The following PUS10 variants were observed in gnomAD, a reference collection of about 807,000 sequenced individuals.
PUS10 encodes the protein tRNA pseudouridine synthase Pus10.
In PUS10, 59 loss-of-function variants were observed where a neutral mutation model predicts 75.0. The observed-to-expected ratio is 0.79, with a 90% CI of 0.64 to 0.98. The LOEUF (loss-of-function observed/expected upper bound fraction) is 0.98, where lower values mean the gene tolerates loss of function less well. PUS10 is among the 50% of genes least tolerant of loss of function. PUS10 has a pLI of 0.00. For missense variants in PUS10, 650 were observed against 614.4 expected (o/e 1.06, Z -0.61); for synonymous variants, 219 against 211.6 (o/e 1.03, Z -0.30).
chr2:60,972,692 CA>C (rs1285529737), intron 4 of PUS10, among the ~76,000 whole-genome samples: 3 of 152,092 alleles, frequency 2.0e-5, no homozygotes, highest in African/African-American at 7.2e-5. Context: ...AAAAAAAGGC[CA>C]ACGATTATCA....
intron 3 of PUS10, among the ~76,000 whole-genome samples, chr2:61,007,581 C>T (rs1417691791): frequency 6.6e-6 from 1 of 151,538 alleles, no homozygotes; most frequent in Non-Finnish European, 1.5e-5. Flanking sequence ...CCAGACTGGC[C>T]AACATGGTGA....
chr2:60,949,136 ACT>A (rs1675177467), intron 15 of PUS10, among the ~76,000 whole-genome samples: 1 of 151,988 alleles, frequency 6.6e-6, no homozygotes, highest in African/African-American at 2.4e-5. Flanking sequence ...GCTCCTCCTA[ACT>A]CTGTGGTTTT....
At chr2:60,958,155 G>C (rs1675797856) in intron 11 of PUS10, among the ~76,000 whole-genome samples, 1 of 152,158 alleles carries the variant, frequency 6.6e-6, no homozygotes, top group South Asian at 2.1e-4. Flanking sequence ...GCTGGAACCT[G>C]ACACTTGGCG....
At chr2:60,974,671 C>T (rs995205012) in intron 4 of PUS10, among the ~76,000 whole-genome samples, 11 of 152,206 alleles carry the variant, frequency 7.2e-5, no homozygotes, top group Non-Finnish European at 1.5e-5. Context: ...ACCATATTCC[C>T]CGGGGTCAGC....
At chr2:60,972,217 A>T (rs1184211178) in intron 4 of PUS10, among the ~76,000 whole-genome samples, 1 of 141,926 alleles carries the variant, frequency 7.0e-6, no homozygotes, top group Admixed American at 6.9e-5. Context: ...TAATCCCAGC[A>T]CTTTGGGAGG....
chr2:61,010,947 T>C, intron 2 of PUS10: 1 of 1,522,044 alleles, frequency 6.6e-7, no homozygotes, highest in South Asian at 1.2e-5. Context: ...GAGAATTATA[T>C]AAGACCTTGA....
At chr2:61,012,415 C>A (rs545608266) in intron 1 of PUS10, among the ~76,000 whole-genome samples, 1 of 152,200 alleles carries the variant, frequency 6.6e-6, no homozygotes, top group East Asian at 1.9e-4. Flanking sequence ...TTCTGCCCTC[C>A]TGTCTGTCTC....
At chr2:60,942,987 C>T (rs1013454250) in intron 17 of PUS10, among the ~76,000 whole-genome samples, 9 of 149,180 alleles carry the variant, frequency 6.0e-5, no homozygotes, top group South Asian at 4.2e-4. Flanking sequence ...GCCGAAATCA[C>T]GCCACAGCAC....
intron 15 of PUS10, among the ~76,000 whole-genome samples, chr2:60,950,753 C>T (rs560151387): frequency 1.2e-3 from 189 of 152,108 alleles, no homozygotes; most frequent in African/African-American, 4.4e-3. Context: ...TATAATATCC[C>T]AGTTTACTCT....
chr2:60,998,501 C>T (rs946749099), intron 4 of PUS10, among the ~76,000 whole-genome samples: 1 of 152,012 alleles, frequency 6.6e-6, no homozygotes, highest in African/African-American at 2.4e-5. Flanking sequence ...CCAGCCTGGC[C>T]AACATGGCGA....
chr2:60,971,185 A>C (rs546705646), intron 5 of PUS10, among the ~76,000 whole-genome samples: 26 of 151,722 alleles, frequency 1.7e-4, no homozygotes, highest in African/African-American at 6.0e-4. Flanking sequence ...ACCTCAAAAA[A>C]AAAAAATAAT....
chr2:61,011,186 A>G (rs913830026), intron 2 of PUS10, among the ~76,000 whole-genome samples: 3 of 152,202 alleles, frequency 2.0e-5, no homozygotes, highest in Admixed American at 6.5e-5. Context: ...ACATTTCATA[A>G]AGATGTTACA....
At position 60,974,517 on chromosome 2, in the gene PUS10, C is replaced by T. The variant is rs1305099039; in HGVS notation, c.469-2960G>A. On this transcript the variant is annotated intron_variant, in intron 4 of 17. Coordinates refer to ENST00000316752, the MANE Select transcript of PUS10 (RefSeq NM_144709.4). ...AAACAGGGCTGAAACACGCCCCTTGCTCACCACGGGGGACGAGAAGGAGAG... is the reference window on the plus strand; with the variant it reads ...AAACAGGGCTGAAACACGCCCCTTGTTCACCACGGGGGACGAGAAGGAGAG... Among the ~76,000 whole-genome samples the T allele has an allele frequency of 2.0e-5, 3 of 152,166 alleles. No individual in the cohort carries two copies. In the East Asian group the frequency reaches 5.8e-4, roughly 29 times the overall value.
intron 5 of PUS10, among the ~76,000 whole-genome samples, chr2:60,967,960 T>A (rs1676442747): frequency 6.6e-6 from 1 of 152,204 alleles, no homozygotes; most frequent in Non-Finnish European, 1.5e-5. Context: ...ATTGGTTTAC[T>A]GCTCACAAAC....
chr2:61,013,316 G>A (rs974190364), intron 1 of PUS10, among the ~76,000 whole-genome samples: 17 of 151,392 alleles, frequency 1.1e-4, no homozygotes, highest in African/African-American at 3.9e-4. Flanking sequence ...TTGTCTGACT[G>A]TAGGTCATAA....
At chr2:60,971,865 C>CTTTTTTTTTTTTTTTTTTT (rs756222357) in intron 4 of PUS10, among the ~76,000 whole-genome samples, 11 of 99,636 alleles carry the variant, frequency 1.1e-4, no homozygotes, top group East Asian at 2.6e-4. Flanking sequence ...TCTTTCTTCT[C>CTTTTTTTTTTTTTTTTTTT]TTTTTTTTTT....
intron 11 of PUS10, among the ~76,000 whole-genome samples, chr2:60,957,184 G>A (rs1675729246): frequency 1.3e-5 from 2 of 152,056 alleles, no homozygotes; most frequent in Admixed American, 1.3e-4. Flanking sequence ...TTAAAACTTG[G>A]TTGAGTTTTT....
intron 4 of PUS10, among the ~76,000 whole-genome samples, chr2:61,004,421 G>A (rs1679063282): frequency 6.6e-6 from 1 of 152,056 alleles, no homozygotes; most frequent in Admixed American, 6.5e-5. Flanking sequence ...TCAGAAGACA[G>A]ATCAAGACCA....
At chr2:60,951,504 A>G (rs948349653) in intron 15 of PUS10, among the ~76,000 whole-genome samples, 1 of 152,200 alleles carries the variant, frequency 6.6e-6, no homozygotes, top group Non-Finnish European at 1.5e-5. Context: ...CCAGTGACGG[A>G]TCATCAGGCA....
Sources: allele counts gnomAD v4.1 joint callset (sites outside exome capture counted in the v4.1 genomes callset), GRCh38; gene constraint gnomAD v4.1.1; transcripts MANE v1.5; gene names NCBI Gene and HGNC (gene_info 2026-07-23, HGNC 2026-07-21).